The following ANAPC10 variants were observed in gnomAD, a reference collection of about 807,000 sequenced individuals.
ANAPC10 encodes anaphase promoting complex subunit 10.
Under a neutral mutation model 22.0 loss-of-function variants are expected in ANAPC10, and 12 were observed. That is an observed-to-expected ratio of 0.55 (90% CI 0.35 to 0.88). The LOEUF is 0.88. ANAPC10 is among the 40% of genes least tolerant of loss of function. The pLI is 0.01. For synonymous variants in ANAPC10, 65 were observed against 69.5 expected, an observed-to-expected ratio of 0.94 and a Z score of 0.32; for missense variants, 188 against 220.9, an observed-to-expected ratio of 0.85 and a Z score of 0.94.
intron 4 of ANAPC10, among the ~76,000 whole-genome samples, chr4:145,001,670 C>G (rs769794970): frequency 6.6e-6 from 1 of 152,182 alleles, no homozygotes; most frequent in Non-Finnish European, 1.5e-5. Context: ...ACCACCTTTC[C>G]CATCACTCAA....
chr4:145,056,653 G>A (rs1306660617), intron 4 of ANAPC10, among the ~76,000 whole-genome samples: 1 of 152,104 alleles, frequency 6.6e-6, no homozygotes, highest in African/African-American at 2.4e-5. Flanking sequence ...ACAAGTTTGG[G>A]TAAGTGGTGG....
At chr4:145,020,622 G>A (rs1735833542) in intron 4 of ANAPC10, among the ~76,000 whole-genome samples, 1 of 152,090 alleles carries the variant, frequency 6.6e-6, no homozygotes, top group Non-Finnish European at 1.5e-5. Flanking sequence ...ATCCAAATCA[G>A]TAAAGAGGAA....
intron 3 of ANAPC10, among the ~76,000 whole-genome samples, chr4:145,075,244 T>C (rs890900071): frequency 6.6e-6 from 1 of 152,160 alleles, no homozygotes; most frequent in South Asian, 2.1e-4. Flanking sequence ...TTCACACTTC[T>C]GGCTTTGTCC....
At chr4:145,051,118 ATAGT>A (rs1441250328) in intron 4 of ANAPC10, among the ~76,000 whole-genome samples, 1 of 152,180 alleles carries the variant, frequency 6.6e-6, no homozygotes, top group Non-Finnish European at 1.5e-5. Context: ...TTTCACTTAA[ATAGT>A]TAGAGACCAT....
intron 4 of ANAPC10, among the ~76,000 whole-genome samples, chr4:145,052,233 G>C (rs1433162867): frequency 5.3e-5 from 8 of 152,088 alleles, no homozygotes; most frequent in Non-Finnish European, 5.9e-5. Context: ...TTGTATACTT[G>C]AAAATTGCTA....
At chr4:145,086,103 C>G (rs1212847645) in intron 2 of ANAPC10, among the ~76,000 whole-genome samples, 1 of 152,120 alleles carries the variant, frequency 6.6e-6, no homozygotes, top group Non-Finnish European at 1.5e-5. Context: ...GCTGGGATTA[C>G]AGGCGCCTGC....
In ANAPC10 at chr4:145,020,937, A is replaced by G. The variant is rs574773630; in HGVS notation, c.328-25334T>C. ...AGGAAAACTACAAAACACCACTGAA[A>G]GAAATCATAGACAACACAAACAAAT... is the stretch of plus-strand genomic sequence containing the variant. On this transcript the variant is annotated intron_variant, in intron 4 of 4. Coordinates refer to ENST00000507656, the MANE Select transcript of ANAPC10 (RefSeq NM_001256706.2). 2.6e-4 allele frequency among the ~76,000 whole-genome samples: 39 copies of G among 152,298 alleles called. No individual in the cohort carries two copies. In the East Asian group the frequency reaches 3.7e-3, roughly 14 times the overall value.
At chr4:145,085,866 C>CT (rs77357289) in intron 2 of ANAPC10, among the ~76,000 whole-genome samples, 156 of 140,334 alleles carry the variant, frequency 1.1e-3, no homozygotes, top group South Asian at 1.6e-3. Flanking sequence ...AATTTTTTTT[C>CT]TTTTTTTTTT....
chr4:145,060,000 A>C (rs1171121916), intron 4 of ANAPC10, among the ~76,000 whole-genome samples: 1 of 152,134 alleles, frequency 6.6e-6, no homozygotes, highest in East Asian at 1.9e-4. Context: ...ACATGAATTC[A>C]TGCACAAAAG....
chr4:145,080,766 G>C (rs1195976127), intron 3 of ANAPC10, among the ~76,000 whole-genome samples: 5 of 151,968 alleles, frequency 3.3e-5, no homozygotes, highest in African/African-American at 1.2e-4. Context: ...AATTAGCCGG[G>C]CGTGGTGGCG....
At chr4:145,004,200 A>C (rs1042049138) in intron 4 of ANAPC10, among the ~76,000 whole-genome samples, 12 of 151,860 alleles carry the variant, frequency 7.9e-5, no homozygotes, top group Non-Finnish European at 1.6e-4. Context: ...TGTATCTGAA[A>C]CTTTGTTGAA....
intron 2 of ANAPC10, among the ~76,000 whole-genome samples, chr4:145,084,928 A>T (rs1746640062): frequency 6.6e-6 from 1 of 152,242 alleles, no homozygotes. Context: ...TAGCTACTAT[A>T]AAATTCCCCA....
At chr4:145,064,499 ATGTC>A (rs1743385788) in intron 4 of ANAPC10, 69 bp downstream of exon 4, 1 of 1,247,790 alleles carries the variant, frequency 8.0e-7, no homozygotes, top group South Asian at 1.7e-5. Context: ...GTCTAATGTA[ATGTC>A]AACTGTGACT....
At chr4:145,032,896 CA>C (rs1737840910) in intron 4 of ANAPC10, 1 of 152,232 alleles carries the variant, frequency 6.6e-6, no homozygotes, top group African/African-American at 2.4e-5. Flanking sequence ...GCCTATCCTG[CA>C]TGCAATGCTT....
intron 4 of ANAPC10, among the ~76,000 whole-genome samples, chr4:145,017,629 C>G (rs1313456833): frequency 6.6e-6 from 1 of 151,978 alleles, no homozygotes; most frequent in Non-Finnish European, 1.5e-5. Context: ...GGTATATACC[C>G]AAAGGAATAT....
rs114761372 is a variant in ANAPC10, at chr4:145,086,056, G to A, written c.116-4306C>T. Among the ~76,000 whole-genome samples the A allele has an allele frequency of 2.8e-4, 43 of 152,160 alleles. No individual in the cohort carries two copies. In the East Asian group the frequency reaches 6.0e-3, roughly 21 times the overall value. On this transcript the variant is annotated intron_variant, in intron 2 of 4. Coordinates refer to ENST00000507656, the MANE Select transcript of ANAPC10 (RefSeq NM_001256706.2). The stretch of plus-strand genomic sequence containing the variant: ...AATAAAAGTCTAAAATATGAAGGAC[G>A]TAAGAGTGAAGACTTGCCTCAGCCT...
chr4:145,010,708 A>G (rs1220633122), intron 4 of ANAPC10, among the ~76,000 whole-genome samples: 4 of 152,030 alleles, frequency 2.6e-5, no homozygotes, highest in African/African-American at 4.8e-5. Flanking sequence ...TAGCATTAGG[A>G]GATATACCTA....
intron 4 of ANAPC10, among the ~76,000 whole-genome samples, chr4:145,030,631 T>C (rs764841694): frequency 7.9e-5 from 12 of 152,284 alleles, no homozygotes; most frequent in South Asian, 2.1e-4. Context: ...CCTGTGGTCA[T>C]TTCCCCAGTG....
intron 4 of ANAPC10, among the ~76,000 whole-genome samples, chr4:145,009,178 A>C (rs1349068188): frequency 6.6e-6 from 1 of 152,170 alleles, no homozygotes; most frequent in Admixed American, 6.5e-5. Flanking sequence ...CAACGAAATA[A>C]AAGAGGACAC....
Sources: gnomAD v4.1 joint callset for allele counts (sites outside exome capture counted in the v4.1 genomes callset) on GRCh38, gnomAD v4.1.1 for gene constraint, MANE v1.5 for transcripts, NCBI Gene and HGNC (gene_info 2026-07-23, HGNC 2026-07-21) for gene names.